Variants in CLDN7 observed in about 807,000 individuals in gnomAD.
The protein encoded by CLDN7 is claudin 7.
In CLDN7, 15 loss-of-function variants were observed where a neutral mutation model predicts 20.3. The ratio of observed to expected loss-of-function variants is 0.74; its 90% confidence interval spans 0.49 to 1.14. The LOEUF (loss-of-function observed/expected upper bound fraction) is 1.14. Ranked by LOEUF, CLDN7 falls within the 50% of genes most tolerant of loss-of-function variation. The pLI is 0.00. For missense variants in CLDN7, 261 were observed against 274.2 expected (o/e 0.95, Z 0.34); for synonymous variants, 117 against 106.1 (o/e 1.10, Z -0.63).
rs1258863306 is a variant in CLDN7, at chr17:7,262,022, A to C, written c.22T>G (p.Leu8Val). The part of the protein sequence containing the change: MANSGLQ[L>V]LGFSMALLGW... ...AGCAGGGCCATGGAGAAGCCCAGCA[A>C]CTGCAGGCCCGAATTGGCCATTTCC... Residue 8 changes from leucine to valine, a missense_variant, in exon 1 of 4, where the codon TTG becomes GTG. Transcript: ENST00000360325. This position sits in a 1 kb window ranked among gnomAD's most constrained non-coding sequence, Gnocchi z 6.6. The C allele has an allele frequency of 6.2e-7, 1 of 1,613,548 alleles. No homozygotes were observed. Among genetic ancestry groups the C allele is most frequent in the East Asian group, 2.2e-5 (1 of 44,862 alleles).
At position 7,260,877 on chromosome 17, in the gene CLDN7, T is replaced by C. The variant is rs2072200041; in HGVS notation, c.332A>G (p.Asp111Gly). Residue 111 changes from aspartate (D) to glycine (G), a missense_variant, in exon 2 of 4, where the codon GAC (aspartate) becomes GGC (glycine). Coordinates refer to ENST00000360325, the MANE Select transcript of CLDN7 (RefSeq NM_001307.6). Reference protein sequence around the residue: ...GMKCTRCGGDDKVKKARIAMG... With the variant: ...GMKCTRCGGDGKVKKARIAMG... ...GGCTATACGGGCCTTCTTCACTTTG[T>C]CGTCTCCCCCACAGCGCGTGCACTT... is the stretch of plus-strand genomic sequence containing the variant. The C allele has an allele frequency of 6.2e-7, 1 of 1,614,100 alleles. No homozygotes were observed. Among genetic ancestry groups the C allele is most frequent in the African/African-American group, 1.3e-5 (1 of 74,938 alleles).
Position 7,262,128 on chromosome 17 carries a change from G to C in CLDN7, c.-85C>G. On this transcript the variant is annotated 5_prime_UTR_variant, in exon 1 of 4. Transcript: ENST00000360325. The surrounding 1 kb of genome is among the most constrained non-coding windows in gnomAD (Gnocchi z 6.6). ...ACACTTGGGGGGCAGCCCCACAAAA[G>C]AAAACTTGAGGTGGAGTTTTCCGGT... 1 of 1,500,690 alleles carries C rather than the reference G, an allele frequency of 6.7e-7. No homozygotes were observed. The highest frequency in any genetic ancestry group is 2.3e-5 in the Admixed American group (1 of 42,562). The allele number at this position is 1,500,690 out of a possible 1,614,324, so 93.0% of individuals were successfully genotyped here.
rs1567595223 is a variant in CLDN7, at chr17:7,260,216, C to G, written c.*158G>C. The G allele has an allele frequency of 1.6e-6, 1 of 613,018 alleles. No individual in the cohort carries two copies. The highest frequency in any genetic ancestry group is 1.9e-5 in the African/African-American group (1 of 52,842). The allele number at this position is 613,018 out of a possible 1,614,324, so 38.0% of individuals were successfully genotyped here. On this transcript the variant is annotated 3_prime_UTR_variant, in exon 4 of 4. Transcript: ENST00000360325. ...TGTCTCTCCCACCAACGGCACCCCC[C>G]CACCCCCAACCCAAGAGGACTATAC...
chr17:7,261,208 G>A (rs1232083129), intron 1 of CLDN7: 2 of 608,156 alleles, frequency 3.3e-6, no homozygotes, highest in African/African-American at 1.9e-5. Context: ...CTCCGCTCAA[G>A]GATCCGCCCG....
At position 7,261,991 on chromosome 17, in the gene CLDN7, C is replaced by A; in HGVS notation, c.53G>T (p.Trp18Leu). 1.2e-6 allele frequency: 2 copies of A among 1,614,088 alleles called. No homozygotes were observed. Among genetic ancestry groups the A allele is most frequent in the South Asian group, 2.2e-5 (2 of 91,066 alleles). The change falls in exon 1 of 4, where the codon TGG (tryptophan) becomes TTG (leucine). Residue 18 changes from tryptophan (W) to leucine (L), a missense_variant. By Grantham distance (61) the Trp-to-Leu change is moderately conservative. This residue lies in a region of CLDN7 where 46 missense variants were observed against 74.6 expected (regional missense o/e 0.62). Transcript: ENST00000360325. ...LLGFSMALLGWVGLVACTAIP... is the reference protein window; with the variant it reads ...LLGFSMALLGLVGLVACTAIP... ...GGCGGTGCAGGCCACCAGACCCACC[C>A]AGCCCAGCAGGGCCATGGAGAAGCC...
Position 7,261,878 on chromosome 17 carries a change from T to C in CLDN7, c.166A>G (p.Thr56Ala). Reference protein sequence around the residue: ...MYKGLWMDCVTQSTGMMSCKM... With the variant: ...MYKGLWMDCVAQSTGMMSCKM... ...CAGCTCATCATCCCCGTGCTCTGCG[T>C]GACGCAGTCCATCCACAGCCCCTTG... The change falls in exon 1 of 4, where the codon ACG becomes GCG. Residue 56 changes from threonine (T) to alanine (A), a missense_variant. By Grantham distance (58) the Thr-to-Ala change is moderately conservative (BLOSUM62 0). Around this residue, in one of 2 missense-constraint regions of CLDN7, gnomAD observed 46 missense variants for 74.6 expected, o/e 0.62. Transcript: ENST00000360325. The C allele has an allele frequency of 6.2e-7, 1 of 1,614,216 alleles. No individual in the cohort carries two copies. Among genetic ancestry groups the C allele is most frequent in the Non-Finnish European group, 8.5e-7 (1 of 1,180,060 alleles).
intron 1 of CLDN7, among the ~76,000 whole-genome samples, 188 bp downstream of exon 1, chr17:7,261,633 G>T (rs2072223592): frequency 6.6e-6 from 1 of 151,978 alleles, no homozygotes; most frequent in African/African-American, 2.4e-5. Context: ...CGAGGTGCGC[G>T]CCCACGTGCA....
At chr17:7,260,581 C>A in intron 3 of CLDN7, 45 bp from the exon 4 acceptor site, 1 of 1,612,908 alleles carries the variant, frequency 6.2e-7, no homozygotes, top group Non-Finnish European at 8.5e-7. Flanking sequence ...GTGCCTCTGC[C>A]CTCCTCCCTA....
chr17:7,262,702 T>G (rs535411637), upstream of CLDN7: 1 of 152,358 alleles, frequency 6.6e-6, no homozygotes, highest in South Asian at 2.1e-4. The surrounding 1 kb of genome is among the most constrained non-coding windows in gnomAD (Gnocchi z 6.6). Context: ...CTTGCCCGGT[T>G]TTGACCGCCG....
intron 1 of CLDN7, 76 bp downstream of exon 1, chr17:7,261,745 G>T (rs2143002381): frequency 1.3e-6 from 2 of 1,508,274 alleles, no homozygotes; most frequent in East Asian, 4.7e-5. Flanking sequence ...CAGCCGTGGG[G>T]CCTCGGCTCT....
intron 1 of CLDN7, 29 bp downstream of exon 1, chr17:7,261,792 C>T (rs953359240): frequency 1.9e-6 from 3 of 1,605,848 alleles, no homozygotes; most frequent in South Asian, 1.1e-5. Flanking sequence ...GTCAAGGGCG[C>T]GTCCGCCCCG....
chr17:7,262,380 G>C lies in CLDN7; in HGVS notation c.-337C>G, dbSNP rs1181800749. 57 of 1,203,428 alleles carry C rather than the reference G, an allele frequency of 4.7e-5. No individual in the cohort carries two copies. Among genetic ancestry groups the C allele is most frequent in the Non-Finnish European group, 5.7e-5 (55 of 958,960 alleles). 74.5% of individuals were successfully genotyped at this position (1,203,428 alleles called of 1,614,324 possible). ...AAAGGTGGAGGGGCCGTCTGGGCGCGTTTCTGAGCGCCGGCAAGTCCCAAA... is the reference window on the plus strand; with the variant it reads ...AAAGGTGGAGGGGCCGTCTGGGCGCCTTTCTGAGCGCCGGCAAGTCCCAAA... On this transcript the variant is annotated 5_prime_UTR_variant, in exon 1 of 4. Transcript: ENST00000360325. This position sits in a 1 kb window ranked among gnomAD's most constrained non-coding sequence, Gnocchi z 6.6.
At chr17:7,260,611 T>TC (rs2072193139) in intron 3 of CLDN7, 31 bp downstream of exon 3, 2 of 1,613,476 alleles carry the variant, frequency 1.2e-6, no homozygotes, top group South Asian at 2.2e-5. Flanking sequence ...CCCAGACCTG[T>TC]CCCCTTAGGA....
rs954296922 is a variant in CLDN7 at position 7,260,953 on chromosome 17, C to T, written c.256G>A (p.Val86Ile). ...ALQATRALMV[V>I]SLVLGFLAMF... ...GCCAGGAAGCCCAGCACCAGGGAGA[C>T]CACCATTAGGGCTCGAGTGGCCTGC... The change falls in exon 2 of 4, where the codon GTC (valine) becomes ATC (isoleucine). Residue 86 changes from valine to isoleucine, a missense_variant. Transcript: ENST00000360325. 13 of 1,613,314 alleles carry T rather than the reference C, an allele frequency of 8.1e-6. No individual in the cohort carries two copies. The highest frequency in any genetic ancestry group is 1.0e-5 in the Non-Finnish European group (12 of 1,179,990).
chr17:7,261,601 G>T (rs920465101), intron 1 of CLDN7, among the ~76,000 whole-genome samples: 1 of 152,144 alleles, frequency 6.6e-6, no homozygotes, highest in African/African-American at 2.4e-5. Context: ...TGGGTTGGGG[G>T]AGGAAGAGGA....
chr17:7,260,546 GA>G lies in CLDN7; in HGVS notation c.474-11del. 1 of 1,611,948 alleles carries G rather than the reference GA, an allele frequency of 6.2e-7. No individual in the cohort carries two copies. Among genetic ancestry groups the G allele is most frequent in the Non-Finnish European group, 8.5e-7 (1 of 1,178,826 alleles). ...AGGGCCAAACTCATACCTGTGAAGA[GA>G]AGGGGGTGGTTAGAAACCCTGGCGT... On this transcript the variant is annotated splice_polypyrimidine_tract_variant and intron_variant, in intron 3 of 3. Coordinates refer to ENST00000360325, the MANE Select transcript of CLDN7 (RefSeq NM_001307.6).
chr17:7,260,257 A>G lies in CLDN7; in HGVS notation c.*117T>C. The G allele has an allele frequency of 1.1e-6, 1 of 942,000 alleles. No individual in the cohort carries two copies. The highest frequency in any genetic ancestry group is 2.5e-5 in the Admixed American group (1 of 39,436). The allele number at this position is 942,000 out of a possible 1,614,324, so 58.4% of individuals were successfully genotyped here. A position where few individuals can be genotyped will look rare whatever the true frequency, so the allele number is the denominator to read the frequency against. On this transcript the variant is annotated 3_prime_UTR_variant, in exon 4 of 4. Coordinates refer to ENST00000360325, the MANE Select transcript of CLDN7 (RefSeq NM_001307.6). ...AGGACTATACATGGAGTGCAGGGAC[A>G]GAGTGACCAGGAGGCCTTTGTCCGG...
At chr17:7,262,537 C>A, upstream of CLDN7, 3 of 343,384 alleles carry the variant, frequency 8.7e-6, no homozygotes, top group Non-Finnish European at 1.2e-5. The surrounding 1 kb of genome is among the most constrained non-coding windows in gnomAD (Gnocchi z 6.6). Context: ...CCGCGCGCCC[C>A]GGGAGCGCGG....
chr17:7,262,425 C>A lies in CLDN7; in HGVS notation c.-382G>T. 1.8e-6 allele frequency: 2 copies of A among 1,094,676 alleles called. No individual in the cohort carries two copies. Among genetic ancestry groups the A allele is most frequent in the Non-Finnish European group, 1.1e-6 (1 of 894,890 alleles). The allele number at this position is 1,094,676 out of a possible 1,614,324, so 67.8% of individuals were successfully genotyped here. The stretch of plus-strand genomic sequence containing the variant: ...CCCAAAGTATCCTGGGCTGTAGGTC[C>A]GAGGCTGCGGTGCGCAGCAGAGGTG... On this transcript the variant is annotated 5_prime_UTR_variant, in exon 1 of 4. Coordinates refer to ENST00000360325, the MANE Select transcript of CLDN7 (RefSeq NM_001307.6). This position sits in a 1 kb window ranked among gnomAD's most constrained non-coding sequence, Gnocchi z 6.6.
Sources: allele counts gnomAD v4.1 joint callset (sites outside exome capture counted in the v4.1 genomes callset), GRCh38; gene constraint gnomAD v4.1.1; regional missense constraint gnomAD v4.1.1; non-coding constraint Gnocchi (gnomAD v3.1); transcripts MANE v1.5; gene names NCBI Gene and HGNC (gene_info 2026-07-23, HGNC 2026-07-21).